Variants in SUPT5H observed in about 807,000 individuals in gnomAD.
SUPT5H encodes SPT5 homolog, DSIF elongation factor subunit, also known as transcription elongation factor SPT5.
In SUPT5H, 24 loss-of-function variants were observed where a neutral mutation model predicts 142.5. The ratio of observed to expected loss-of-function variants is 0.17; its 90% CI spans 0.12 to 0.24. SUPT5H has a LOEUF of 0.24. Ranked by LOEUF, SUPT5H falls within the 10% of genes least tolerant of loss-of-function variation. The probability of loss-of-function intolerance (pLI) is 1.00; values close to 1 mark genes in which losing one functional copy is unlikely to be tolerated. For synonymous variants in SUPT5H, 546 were observed against 553.0 expected (o/e 0.99, Z 0.18); for missense variants, 893 against 1,471.8 (o/e 0.61, Z 6.43).
At chr19:39,462,144 A>T (rs2079171571) in intron 10 of SUPT5H, among the ~76,000 whole-genome samples, 1 of 152,110 alleles carries the variant, frequency 6.6e-6, no homozygotes, top group Non-Finnish European at 1.5e-5. Flanking sequence ...TCCTGGCTCA[A>T]GTGATCCACC....
chr19:39,461,603 A>G (rs1360219713), intron 10 of SUPT5H, among the ~76,000 whole-genome samples: 1 of 151,958 alleles, frequency 6.6e-6, no homozygotes, highest in African/African-American at 2.4e-5. Flanking sequence ...CGTGTGGATC[A>G]CCTGAGGTTA....
intron 28 of SUPT5H, 61 bp from the exon 29 acceptor site, chr19:39,476,016 GGAGT>G: frequency 6.9e-7 from 1 of 1,440,986 alleles, no homozygotes. Flanking sequence ...TGTGTCCCCT[GGAGT>G]ATGGGCCTCA....
rs1293558787 is a variant in SUPT5H, at chr19:39,469,959, T to C, written c.1375-160T>C. 6.5e-6 allele frequency: 6 copies of C among 928,980 alleles called. No homozygotes were observed. Among genetic ancestry groups the C allele is most frequent in the East Asian group, 5.2e-5 (2 of 38,438 alleles). The allele number at this position is 928,980 out of a possible 1,614,324, so 57.5% of individuals were successfully genotyped here. A position where few individuals can be genotyped will look rare whatever the true frequency, so the allele number is the denominator to read the frequency against. ...CTGGGGTCAGCTGTTTCTGGGGCAG[T>C]CTGAGGGGTCGTCCAGGTGGACTAA... On this transcript the variant is annotated intron_variant, in intron 16 of 29. Transcript: ENST00000432763. The surrounding 1 kb of genome is among the most constrained non-coding windows in gnomAD (Gnocchi z 5.1).
intron 13 of SUPT5H, chr19:39,467,893 A>G (rs1448094482): frequency 6.6e-6 from 1 of 152,186 alleles, no homozygotes; most frequent in Non-Finnish European, 1.5e-5. Flanking sequence ...GGACCCATTT[A>G]TACCACTGGT....
chr19:39,468,567 G>T, intron 13 of SUPT5H, 189 bp from the exon 14 acceptor site: 1 of 600,878 alleles, frequency 1.7e-6, no homozygotes, highest in Non-Finnish European at 3.0e-6. Context: ...GTGGAGGAGT[G>T]CAGGGAGGTG....
chr19:39,458,229 CG>C lies in SUPT5H; in HGVS notation c.308-64del. ...ATTTGGCTCATACTTTGTCTGCCCT[CG>C]CCCACCACCACCACCACCACCACCA... On this transcript the variant is annotated intron_variant, in intron 4 of 29. Coordinates refer to ENST00000432763, the MANE Select transcript of SUPT5H (RefSeq NM_001111020.3). The surrounding 1 kb of genome is among the most constrained non-coding windows in gnomAD (Gnocchi z 4.2). 1 of 1,511,668 alleles carries C rather than the reference CG, an allele frequency of 6.6e-7. No individual in the cohort carries two copies. The highest frequency in any genetic ancestry group is 8.8e-7 in the Non-Finnish European group (1 of 1,131,274). 93.6% of individuals were successfully genotyped at this position (1,511,668 alleles called of 1,614,324 possible).
intron 28 of SUPT5H, among the ~76,000 whole-genome samples, chr19:39,475,664 G>A (rs1164262530): frequency 6.6e-6 from 1 of 152,084 alleles, no homozygotes; most frequent in African/African-American, 2.4e-5. Flanking sequence ...AGACCCTCAC[G>A]GGCTGAATGG....
Position 39,473,186 on chromosome 19 carries a change from G to C in SUPT5H, c.2259-17G>C. 1.2e-6 allele frequency: 2 copies of C among 1,611,522 alleles called. No homozygotes were observed. Among genetic ancestry groups the C allele is most frequent in the Non-Finnish European group, 1.7e-6 (2 of 1,179,890 alleles). On this transcript the variant is annotated splice_polypyrimidine_tract_variant and intron_variant, in intron 23 of 29. Transcript: ENST00000432763. The surrounding 1 kb of genome is among the most constrained non-coding windows in gnomAD (Gnocchi z 5.8). ...TGAGAGGGGTCTGCTCACCCCATTT[G>C]TTCTCTGCGTCCCCAGGGGCTCACG...
chr19:39,458,139 G>A lies in SUPT5H; in HGVS notation c.308-155G>A, dbSNP rs11881477. 0.37 allele frequency: 478,848 copies of A among 1,292,858 alleles called. 97,215 individuals are homozygous for A. Among genetic ancestry groups the A allele is most frequent in the African/African-American group, 0.71 (47,087 of 66,414 alleles). 80.1% of individuals were successfully genotyped at this position (1,292,858 alleles called of 1,614,324 possible). A position where few individuals can be genotyped will look rare whatever the true frequency, so the allele number is the denominator to read the frequency against. The stretch of plus-strand genomic sequence containing the variant: ...ACCTGGTGCCTGGCCTTTACTTTTG[G>A]TTTTCAACCTTTCTGTGTCCCTCCC... On this transcript the variant is annotated intron_variant, in intron 4 of 29. Coordinates refer to ENST00000432763, the MANE Select transcript of SUPT5H (RefSeq NM_001111020.3). The surrounding 1 kb of genome is among the most constrained non-coding windows in gnomAD (Gnocchi z 4.2).
At chr19:39,462,433 CA>C (rs2079174806) in intron 10 of SUPT5H, among the ~76,000 whole-genome samples, 1 of 152,156 alleles carries the variant, frequency 6.6e-6, no homozygotes, top group Non-Finnish European at 1.5e-5. Context: ...ATGGTTCATA[CA>C]AAGGGAATCA....
chr19:39,462,942 C>T (rs1387828838), intron 10 of SUPT5H, among the ~76,000 whole-genome samples: 1 of 138,676 alleles, frequency 7.2e-6, no homozygotes. Context: ...CGGGTTCAAG[C>T]GATTCTCCTG....
chr19:39,449,607 G>C (rs372839013), intron 2 of SUPT5H, among the ~76,000 whole-genome samples: 6 of 151,994 alleles, frequency 3.9e-5, no homozygotes, highest in African/African-American at 1.2e-4. Context: ...CTGGGGGAGA[G>C]GGGGCGGGGA....
rs940936285 is a variant in SUPT5H at position 39,458,401 on chromosome 19, C to T, written c.319+96C>T. The T allele has an allele frequency of 1.3e-6, 2 of 1,587,354 alleles. No individual in the cohort carries two copies. The highest frequency in any genetic ancestry group is 2.2e-5 in the East Asian group (1 of 44,790). On this transcript the variant is annotated intron_variant, in intron 5 of 29. Transcript: ENST00000432763. The surrounding 1 kb of genome is among the most constrained non-coding windows in gnomAD (Gnocchi z 4.2). ...CTGCCCTCACCGGTAGCCTCCCCAC[C>T]AGCCCCGGTCTGGCCCTGAGGGCTC...
chr19:39,461,482 C>G (rs2079160347), intron 10 of SUPT5H, among the ~76,000 whole-genome samples: 1 of 151,962 alleles, frequency 6.6e-6, no homozygotes, highest in African/African-American at 2.4e-5. Flanking sequence ...GAGTTCGAGG[C>G]CAGCCTGGAC....
In SUPT5H at chr19:39,471,468, A is replaced by G; in HGVS notation, c.1789A>G (p.Lys597Glu). Residue 597 changes from lysine to glutamate, a missense_variant, in exon 19 of 30, where the codon AAA becomes GAA. Around this residue, in one of 6 missense-constraint regions of SUPT5H, gnomAD observed 428 missense variants for 763.5 expected, o/e 0.56. Transcript: ENST00000432763. ...CTCAGAGCAGAACAACATCCATGTG[A>G]AAGACATCGTTAAGGTCATTGATGG... ...LDSEQNNIHVKDIVKVIDGPH... is the reference protein window; with the variant it reads ...LDSEQNNIHVEDIVKVIDGPH... 1 of 1,614,234 alleles carries G rather than the reference A, an allele frequency of 6.2e-7. No individual in the cohort carries two copies. The highest frequency in any genetic ancestry group is 8.5e-7 in the Non-Finnish European group (1 of 1,180,046).
intron 10 of SUPT5H, among the ~76,000 whole-genome samples, chr19:39,461,841 T>A (rs544673634): frequency 0.042 from 5,581 of 132,408 alleles, 342 homozygotes; most frequent in African/African-American, 0.13. Context: ...AAAAAAAAAA[T>A]AATAATAATA....
intron 10 of SUPT5H, 22 bp downstream of exon 10, chr19:39,459,982 C>A: frequency 6.2e-7 from 1 of 1,613,412 alleles, no homozygotes; most frequent in East Asian, 2.2e-5. Flanking sequence ...AGACAGGCGG[C>A]TTGGTGGGGA....
intron 13 of SUPT5H, chr19:39,468,555 G>T: frequency 1.7e-6 from 1 of 590,058 alleles, no homozygotes; most frequent in Non-Finnish European, 3.0e-6. Context: ...ATCAGGGAAT[G>T]GGTGGAGGAG....
In SUPT5H at chr19:39,466,906, C is replaced by A; in HGVS notation, c.1037+161C>A. 1 of 659,114 alleles carries A rather than the reference C, an allele frequency of 1.5e-6. No individual in the cohort carries two copies. Among genetic ancestry groups the A allele is most frequent in the Non-Finnish European group, 2.6e-6 (1 of 377,516 alleles). 40.8% of individuals were successfully genotyped at this position (659,114 alleles called of 1,614,324 possible). A position where few individuals can be genotyped will look rare whatever the true frequency, so the allele number is the denominator to read the frequency against. ...AGGCAAGTCACTTCACATCCCTGTG[C>A]CTCAGTTTCTTCTGCTATAAAGATT... On this transcript the variant is annotated intron_variant, in intron 13 of 29. Coordinates refer to ENST00000432763, the MANE Select transcript of SUPT5H (RefSeq NM_001111020.3). This position sits in a 1 kb window ranked among gnomAD's most constrained non-coding sequence, Gnocchi z 4.3.
Sources: gnomAD v4.1 joint callset for allele counts (sites outside exome capture counted in the v4.1 genomes callset) on GRCh38, gnomAD v4.1.1 for gene constraint, gnomAD v4.1.1 regional missense constraint, Gnocchi (gnomAD v3.1) non-coding constraint, MANE v1.5 for transcripts, NCBI Gene and HGNC (gene_info 2026-07-23, HGNC 2026-07-21) for gene names.